The following ZNF248 variants were observed in gnomAD, a reference collection of about 807,000 sequenced individuals.
ZNF248 encodes the protein zinc finger protein 248, also known as KRAB protein domain.
A neutral mutation model predicts 44.3 loss-of-function variants in ZNF248; 20 were observed. The ratio of observed to expected loss-of-function variants is 0.45; its 90% confidence interval spans 0.32 to 0.66. The LOEUF is 0.66. ZNF248 is among the 30% of genes least tolerant of loss of function. The pLI is 0.04. For missense variants in ZNF248, 654 were observed against 677.0 expected (o/e 0.97, Z 0.38); for synonymous variants, 224 against 229.0 (o/e 0.98, Z 0.20).
At chr10:37,807,732 TTG>T (rs2050789972) in intron 6 of ZNF248, among the ~76,000 whole-genome samples, 1 of 152,222 alleles carries the variant, frequency 6.6e-6, no homozygotes, top group South Asian at 2.1e-4. Flanking sequence ...CAACTGATTT[TTG>T]TGTGTTGATT....
chr10:37,812,101 G>A (rs749823408), intron 6 of ZNF248, among the ~76,000 whole-genome samples: 4 of 151,996 alleles, frequency 2.6e-5, no homozygotes, highest in Non-Finnish European at 4.4e-5. Flanking sequence ...GCCGGTCATG[G>A]TGGCACATGC....
intron 6 of ZNF248, among the ~76,000 whole-genome samples, chr10:37,823,409 G>A (rs988220239): frequency 3.5e-4 from 49 of 141,606 alleles, no homozygotes; most frequent in Admixed American, 1.5e-3. Flanking sequence ...AAAATGAAAC[G>A]TATTATGTCA....
intron 3 of ZNF248, among the ~76,000 whole-genome samples, chr10:37,844,726 T>A (rs2058974079): frequency 6.6e-6 from 1 of 151,900 alleles, no homozygotes; most frequent in Non-Finnish European, 1.5e-5. Flanking sequence ...ACAAAATATC[T>A]TAAAAAATAC....
intron 6 of ZNF248, among the ~76,000 whole-genome samples, chr10:37,780,551 T>A (rs188331940): frequency 6.6e-6 from 1 of 152,300 alleles, no homozygotes; most frequent in Admixed American, 6.5e-5. Context: ...CTCTTCTTGA[T>A]AGACATATTA....
chr10:37,777,137 G>T (rs1588946725), intron 6 of ZNF248, among the ~76,000 whole-genome samples: 1 of 152,198 alleles, frequency 6.6e-6, no homozygotes, highest in East Asian at 1.9e-4. Context: ...TAAACTGGAG[G>T]TAGGAAGTCA....
downstream of ZNF248, among the ~76,000 whole-genome samples, chr10:37,825,556 A>G (rs1238779353): frequency 6.6e-6 from 1 of 152,130 alleles, no homozygotes; most frequent in Non-Finnish European, 1.5e-5. Context: ...CTCCCACCTC[A>G]GCCTCCAAAG....
the ZNF248 span, among the ~76,000 whole-genome samples, chr10:37,759,670 A>T: frequency 6.6e-6 from 1 of 152,254 alleles, no homozygotes; most frequent in Admixed American, 6.5e-5. Context: ...ATTAGTAGGC[A>T]GGTAGGCAGT....
chr10:37,822,862 CA>C (rs1370107295), intron 6 of ZNF248, among the ~76,000 whole-genome samples: 3 of 152,106 alleles, frequency 2.0e-5, no homozygotes, highest in Non-Finnish European at 2.9e-5. Flanking sequence ...CCATGGGCCA[CA>C]GGTTAGACAA....
At position 37,829,563 on chromosome 10, in the gene ZNF248, A is replaced by T. The variant is rs1161783687; in HGVS notation, c.*2052T>A. 96 of 985,284 alleles carry T rather than the reference A, an allele frequency of 9.7e-5. No homozygotes were observed. Among genetic ancestry groups the T allele is most frequent in the Non-Finnish European group, 1.1e-4 (89 of 829,938 alleles). The allele number at this position is 985,284 out of a possible 1,614,324, so 61.0% of individuals were successfully genotyped here. A position where few individuals can be genotyped will look rare whatever the true frequency, so the allele number is the denominator to read the frequency against. ...ATCAGACAGCCCTAAGACCAAATAA[A>T]AAACAGTTATTGAGGGTTATAAAAA... On this transcript the variant is annotated 3_prime_UTR_variant, in exon 6 of 6. Coordinates refer to ENST00000395867, the MANE Select transcript of ZNF248 (RefSeq NM_021045.3).
Position 37,831,461 on chromosome 10 carries a change from T to C in ZNF248, c.*154A>G. The C allele has an allele frequency of 6.8e-7, 1 of 1,460,444 alleles. No individual in the cohort carries two copies. Among genetic ancestry groups the C allele is most frequent in the Non-Finnish European group, 9.0e-7 (1 of 1,108,240 alleles). The allele number at this position is 1,460,444 out of a possible 1,614,324, so 90.5% of individuals were successfully genotyped here. On this transcript the variant is annotated 3_prime_UTR_variant, in exon 6 of 6. Transcript: ENST00000395867. ...TGAATAGAATTCCCCTCAGTACAAA[T>C]TTTCTAATGAAAAGTTTTAATTTTT...
At chr10:37,819,670 T>TA (rs1443766310) in intron 6 of ZNF248, 5 of 796,432 alleles carry the variant, frequency 6.3e-6, no homozygotes, top group Non-Finnish European at 1.1e-5. Context: ...CTTCCTCCTT[T>TA]TTAAGATGAC....
At chr10:37,856,671 C>G in intron 1 of ZNF248, 139 bp from the exon 2 acceptor site, 2 of 1,011,410 alleles carry the variant, frequency 2.0e-6, no homozygotes, top group Non-Finnish European at 2.4e-6. Context: ...TATCTGTTTA[C>G]CTGTTAACAC....
intron 6 of ZNF248, among the ~76,000 whole-genome samples, chr10:37,777,570 A>G (rs1240370578): frequency 6.8e-6 from 1 of 147,728 alleles, no homozygotes; most frequent in East Asian, 2.0e-4. Context: ...GTTTTAGGGT[A>G]CATGTGCACA....
In ZNF248 at chr10:37,816,312, T is replaced by A. The variant is rs143967146; in HGVS notation, c.330+16713A>T. ...GCACCTCCACGATCAGAAGGAGCAA[T>A]CAGTGACTAGAGCACAGTTCCCCAA... On this transcript the variant is annotated intron_variant, in intron 6 of 6. Coordinates refer to the ZNF248 transcript ENST00000615949. 2.2e-4 allele frequency among the ~76,000 whole-genome samples: 33 copies of A among 152,318 alleles called. No homozygotes were observed. In the East Asian group the frequency reaches 5.8e-3, roughly 27 times the overall value.
intron 6 of ZNF248, among the ~76,000 whole-genome samples, chr10:37,781,182 C>G (rs1186085761): frequency 6.6e-6 from 1 of 152,182 alleles, no homozygotes; most frequent in Non-Finnish European, 1.5e-5. Flanking sequence ...TGTCTATGGT[C>G]TTTACCTGGG....
At chr10:37,763,360 C>A in the ZNF248 span, among the ~76,000 whole-genome samples, 2 of 152,204 alleles carry the variant, frequency 1.3e-5, no homozygotes, top group African/African-American at 2.4e-5. Context: ...CTTCAAGGAG[C>A]CTGGCTCCAG....
At chr10:37,816,703 A>G (rs2052528523) in intron 6 of ZNF248, among the ~76,000 whole-genome samples, 1 of 152,142 alleles carries the variant, frequency 6.6e-6, no homozygotes, top group South Asian at 2.1e-4. Context: ...ACACTCATTC[A>G]AATAAGGTCA....
rs557040320 is a variant in ZNF248 at position 37,831,771 on chromosome 10, G to A, written c.1584C>T (p.Thr528=). The A allele has an allele frequency of 9.3e-6, 15 of 1,612,680 alleles. No individual in the cohort carries two copies. In the South Asian group the frequency reaches 1.1e-4, roughly 12 times the overall value. Residue 528 remains threonine (T), a synonymous_variant, in exon 6 of 6, where the codon ACC becomes ACT. Coordinates refer to ENST00000395867, the MANE Select transcript of ZNF248 (RefSeq NM_021045.3). ...TAGTGAGAGCTGATTTTTCACAGAA[G>A]GTTTTCCCACATTCATTACACTTAT... ...KPYKCNECGK[T]FCEKSALTKH...
chr10:37,800,008 G>A (rs2049608512), intron 6 of ZNF248, among the ~76,000 whole-genome samples: 1 of 151,502 alleles, frequency 6.6e-6, no homozygotes, highest in African/African-American at 2.4e-5. Context: ...AAGAGTTCAA[G>A]ACACACCTGG....
Sources: allele counts gnomAD v4.1 joint callset (sites outside exome capture counted in the v4.1 genomes callset), GRCh38; gene constraint gnomAD v4.1.1; transcripts MANE v1.5; gene names NCBI Gene and HGNC (gene_info 2026-07-23, HGNC 2026-07-21).